The following EPHB2 variants were observed in gnomAD, a reference collection of about 807,000 sequenced individuals.
The protein encoded by EPHB2 is ephrin type-B receptor 2.
Under a neutral mutation model 96.4 loss-of-function variants are expected in EPHB2, and 18 were observed. That is an observed-to-expected ratio of 0.19 (90% CI 0.13 to 0.28). The LOEUF is 0.28. Ranked by LOEUF, EPHB2 falls within the 10% of genes least tolerant of loss-of-function variation. The pLI is 1.00. For missense variants in EPHB2, 989 were observed against 1,355.4 expected (o/e 0.73, Z 4.25); for synonymous variants, 506 against 534.1 (o/e 0.95, Z 0.72).
At chr1:22,831,378 A>G (rs1365394052) in intron 3 of EPHB2, among the ~76,000 whole-genome samples, 2 of 152,052 alleles carry the variant, frequency 1.3e-5, no homozygotes, top group Non-Finnish European at 2.9e-5. Context: ...AAGTGAAAGC[A>G]TTTTGCACAA....
At position 22,882,420 on chromosome 1, in the gene EPHB2, G is replaced by T; in HGVS notation, c.1365G>T (p.Ser455=). 1 of 1,614,146 alleles carries T rather than the reference G, an allele frequency of 6.2e-7. No homozygotes were observed. Among genetic ancestry groups the T allele is most frequent in the Non-Finnish European group, 8.5e-7 (1 of 1,180,012 alleles). The change falls in exon 6 of 16, where the codon TCG becomes TCT. Residue 455 remains serine, a synonymous_variant. Transcript: ENST00000374630. ...VSRTVDSITL[S]WSQPDQPNGV... ...GCACCGTGGACAGCATTACCCTGTCGTGGTCCCAGCCGGACCAGCCCAATG... is the reference window on the plus strand; with the variant it reads ...GCACCGTGGACAGCATTACCCTGTCTTGGTCCCAGCCGGACCAGCCCAATG...
rs1294307963 is a variant in EPHB2 at position 22,884,575 on chromosome 1, G to C, written c.1428+2092G>C. On this transcript the variant is annotated intron_variant, in intron 6 of 15. Transcript: ENST00000374630. ...ACGGAGGTTGCAGTGAGCCAAGATC[G>C]CACCACTGCACTCCAGCCTGGGTGA... is the stretch of plus-strand genomic sequence containing the variant. 2.1e-5 allele frequency among the ~76,000 whole-genome samples: 3 copies of C among 140,340 alleles called. No homozygotes were observed. The Admixed American group carries it at 2.3e-4, about 11-fold the overall frequency. 92.1% of individuals were successfully genotyped at this position (140,340 alleles called of 152,430 possible).
intron 1 of EPHB2, among the ~76,000 whole-genome samples, chr1:22,760,086 C>T (rs574621475): frequency 1.3e-5 from 2 of 152,150 alleles, no homozygotes; most frequent in South Asian, 2.1e-4. Flanking sequence ...CACAAGTCAC[C>T]CATTTTACAG....
chr1:22,799,926 A>C (rs1305125473), intron 3 of EPHB2, among the ~76,000 whole-genome samples: 1 of 152,204 alleles, frequency 6.6e-6, no homozygotes, highest in East Asian at 1.9e-4. Context: ...TCAAGTTCCC[A>C]GTTCCCTCCC....
At chr1:22,831,713 G>A (rs770470463) in intron 3 of EPHB2, among the ~76,000 whole-genome samples, 23 of 152,144 alleles carry the variant, frequency 1.5e-4, no homozygotes, top group South Asian at 6.2e-4. Context: ...CAAAATGATC[G>A]TGGGAATCCA....
intron 15 of EPHB2, chr1:22,912,890 G>A (rs1640154158): frequency 4.6e-6 from 2 of 431,468 alleles, no homozygotes; most frequent in South Asian, 2.0e-5. Context: ...AAGGAAGCGG[G>A]TGCTTAGAAA....
chr1:22,756,249 A>G (rs1032506591), intron 1 of EPHB2, among the ~76,000 whole-genome samples: 5 of 152,018 alleles, frequency 3.3e-5, no homozygotes, highest in African/African-American at 1.2e-4. Context: ...GTGACATGAT[A>G]AAGGGGGTGT....
At chr1:22,734,603 G>A (rs1643785886) in intron 1 of EPHB2, among the ~76,000 whole-genome samples, 1 of 151,984 alleles carries the variant, frequency 6.6e-6, no homozygotes, top group African/African-American at 2.4e-5. Context: ...TGTATTTTTA[G>A]TAGAGATGGG....
chr1:22,795,033 G>A (rs1167159674), intron 3 of EPHB2, among the ~76,000 whole-genome samples: 2 of 152,264 alleles, frequency 1.3e-5, no homozygotes, highest in African/African-American at 2.4e-5. Flanking sequence ...ATTGCTCTGC[G>A]GCAGCTGGCA....
chr1:22,861,210 C>G (rs1638237354), intron 3 of EPHB2, among the ~76,000 whole-genome samples: 1 of 152,192 alleles, frequency 6.6e-6, no homozygotes, highest in Admixed American at 6.5e-5. Context: ...TAAGTGACTT[C>G]CCCGAGGCCA....
intron 1 of EPHB2, among the ~76,000 whole-genome samples, chr1:22,777,577 A>C (rs1039191320): frequency 1.1e-4 from 17 of 152,200 alleles, no homozygotes; most frequent in Non-Finnish European, 2.4e-4. Flanking sequence ...CCCAGAGAAC[A>C]GAATTTGACT....
intron 3 of EPHB2, among the ~76,000 whole-genome samples, chr1:22,853,538 C>T (rs1281597016): frequency 6.6e-6 from 1 of 152,246 alleles, no homozygotes; most frequent in Non-Finnish European, 1.5e-5. Flanking sequence ...AGACCCAGCC[C>T]TGGCAGGGGA....
At chr1:22,818,593 C>T (rs193050803) in intron 3 of EPHB2, among the ~76,000 whole-genome samples, 2 of 152,254 alleles carry the variant, frequency 1.3e-5, no homozygotes, top group Admixed American at 1.3e-4. Flanking sequence ...GAAAGCCTGA[C>T]ACCCTCCGGC....
intron 3 of EPHB2, among the ~76,000 whole-genome samples, chr1:22,798,702 A>G (rs1421524455): frequency 3.9e-5 from 6 of 152,078 alleles, no homozygotes; most frequent in African/African-American, 1.4e-4. Flanking sequence ...CTAGCCACCC[A>G]TGAGACTGAC....
chr1:22,895,622 G>A, intron 8 of EPHB2, 42 bp downstream of exon 8: 1 of 1,564,720 alleles, frequency 6.4e-7, no homozygotes, highest in South Asian at 1.1e-5. Flanking sequence ...GGCTGTCCCA[G>A]ATGGCTTCTC....
At chr1:22,754,861 G>C (rs1160767609) in intron 1 of EPHB2, among the ~76,000 whole-genome samples, 1 of 131,778 alleles carries the variant, frequency 7.6e-6, no homozygotes, top group African/African-American at 2.8e-5. Context: ...GACAGGTGAG[G>C]TGAGGCAAGG....
chr1:22,791,775 A>G (rs1644696880), intron 3 of EPHB2, among the ~76,000 whole-genome samples: 1 of 152,120 alleles, frequency 6.6e-6, no homozygotes, highest in South Asian at 2.1e-4. Context: ...GCAGTATTTC[A>G]CTATCTTAAA....
chr1:22,715,681 A>G (rs991898899), intron 1 of EPHB2, among the ~76,000 whole-genome samples: 8 of 152,198 alleles, frequency 5.3e-5, no homozygotes, highest in Non-Finnish European at 8.8e-5. Context: ...ATCCATCCAT[A>G]TATTTTTAAA....
chr1:22,725,179 C>T lies in EPHB2; in HGVS notation c.61+14136C>T, dbSNP rs146116520. Reference sequence around the variant, plus strand: ...GCTGGTTGGGTAGTGTACAGTTAGACGGTTGGATGAGCAGCTCAGCTGTTG... The same window carrying T: ...GCTGGTTGGGTAGTGTACAGTTAGATGGTTGGATGAGCAGCTCAGCTGTTG... On this transcript the variant is annotated intron_variant, in intron 1 of 15. Transcript: ENST00000374630. 5.6e-4 allele frequency among the ~76,000 whole-genome samples: 85 copies of T among 152,188 alleles called. 1 individual carries two copies. In the East Asian group the frequency reaches 0.014, roughly 25 times the overall value.
Sources: allele counts gnomAD v4.1 joint callset (sites outside exome capture counted in the v4.1 genomes callset), GRCh38; gene constraint gnomAD v4.1.1; transcripts MANE v1.5; gene names NCBI Gene and HGNC (gene_info 2026-07-23, HGNC 2026-07-21).